The following TTC28 variants were observed in gnomAD, a reference collection of about 807,000 sequenced individuals.
TTC28 encodes tetratricopeptide repeat protein 28.
TTC28 carries 61 observed loss-of-function variants against 198.0 expected under a neutral mutation model. That is an observed-to-expected ratio of 0.31 (90% confidence interval 0.25 to 0.38). The LOEUF (loss-of-function observed/expected upper bound fraction) is 0.38, where lower values mean the gene tolerates loss of function less well. Among genes scored for constraint, TTC28 ranks in the 10% least tolerant of loss-of-function variants. TTC28 has a pLI of 1.00. For synonymous variants in TTC28, 1,171 were observed against 1,297.8 expected, an observed-to-expected ratio of 0.90 and a Z score of 2.10; for missense variants, 2,678 against 3,164.0, an observed-to-expected ratio of 0.85 and a Z score of 3.69.
chr22:28,558,579 G>A (rs1376584872), intron 2 of TTC28, among the ~76,000 whole-genome samples: 1 of 152,012 alleles, frequency 6.6e-6, no homozygotes, highest in Non-Finnish European at 1.5e-5. Flanking sequence ...GGATGCTGAG[G>A]CAGGAGAATC....
At chr22:28,510,715 T>C (rs970897639) in intron 2 of TTC28, among the ~76,000 whole-genome samples, 29 of 152,120 alleles carry the variant, frequency 1.9e-4, no homozygotes, top group Non-Finnish European at 1.5e-5. Context: ...GAAGTCAAAT[T>C]ATCTTCGTTT....
intron 12 of TTC28, among the ~76,000 whole-genome samples, chr22:28,053,249 T>A (rs997555383): frequency 6.6e-6 from 1 of 152,272 alleles, no homozygotes; most frequent in African/African-American, 2.4e-5. Flanking sequence ...GATGGCCTAT[T>A]GTCTCCCACT....
At chr22:28,672,374 G>A in intron 1 of TTC28, among the ~76,000 whole-genome samples, 1 of 151,704 alleles carries the variant, frequency 6.6e-6, no homozygotes, top group Non-Finnish European at 1.5e-5. Context: ...CATCATATTG[G>A]CCAGGCTGGT....
intron 6 of TTC28, among the ~76,000 whole-genome samples, chr22:28,131,525 T>A (rs1943060028): frequency 6.6e-6 from 1 of 152,180 alleles, no homozygotes; most frequent in Non-Finnish European, 1.5e-5. Flanking sequence ...GCCCAGCATC[T>A]CAAGAGCATA....
At chr22:28,639,774 C>G (rs989345375) in intron 1 of TTC28, among the ~76,000 whole-genome samples, 1 of 152,072 alleles carries the variant, frequency 6.6e-6, no homozygotes, top group Non-Finnish European at 1.5e-5. Flanking sequence ...TGTAAATTGC[C>G]CAGTTTCGGG....
intron 2 of TTC28, among the ~76,000 whole-genome samples, chr22:28,405,606 G>A (rs929977616): frequency 6.6e-6 from 1 of 152,196 alleles, no homozygotes; most frequent in Non-Finnish European, 1.5e-5. Context: ...ATTTTACTGT[G>A]TAGTAGAATT....
At chr22:28,364,041 G>A (rs1453543604) in intron 2 of TTC28, among the ~76,000 whole-genome samples, 1 of 152,150 alleles carries the variant, frequency 6.6e-6, no homozygotes, top group Non-Finnish European at 1.5e-5. Context: ...GCATGATTCT[G>A]TTTTGAAATG....
chr22:28,066,643 A>G (rs1204137339), intron 12 of TTC28, among the ~76,000 whole-genome samples: 2 of 152,200 alleles, frequency 1.3e-5, no homozygotes, highest in Non-Finnish European at 2.9e-5. Flanking sequence ...ACCTTGTGGA[A>G]TATTTAACCA....
chr22:28,617,094 C>A (rs1032519014), intron 2 of TTC28, among the ~76,000 whole-genome samples: 16 of 151,996 alleles, frequency 1.1e-4, no homozygotes, highest in Admixed American at 7.2e-4. Flanking sequence ...ATTATTCACA[C>A]TAAAGTAATA....
chr22:28,510,002 A>G lies in TTC28; in HGVS notation c.381+119550T>C, dbSNP rs144877178. ...AGGAAGAAATTGGATCCCTGAATAG[A>G]CAAATAACAAGTTCTGAAATTGAGG... On this transcript the variant is annotated intron_variant, in intron 2 of 22. Transcript: ENST00000397906. Among the ~76,000 whole-genome samples the G allele has an allele frequency of 2.8e-4, 43 of 152,326 alleles. No individual in the cohort carries two copies. In the East Asian group the frequency reaches 6.7e-3, roughly 24 times the overall value.
intron 5 of TTC28, among the ~76,000 whole-genome samples, chr22:28,206,909 G>A (rs895510835): frequency 2.6e-5 from 4 of 152,084 alleles, no homozygotes; most frequent in South Asian, 2.1e-4. Context: ...TACCTACTCC[G>A]GACGGAATCG....
At chr22:28,584,106 G>A (rs2050275168) in intron 2 of TTC28, among the ~76,000 whole-genome samples, 1 of 150,346 alleles carries the variant, frequency 6.7e-6, no homozygotes, top group Admixed American at 6.6e-5. Flanking sequence ...CAGCCTCTCA[G>A]GTAGCTGGAA....
intron 2 of TTC28, among the ~76,000 whole-genome samples, chr22:28,590,581 C>G (rs1457335421): frequency 6.6e-6 from 1 of 151,980 alleles, no homozygotes; most frequent in Non-Finnish European, 1.5e-5. Flanking sequence ...AGCAAGACAC[C>G]CATCTCTACA....
intron 2 of TTC28, among the ~76,000 whole-genome samples, chr22:28,471,603 A>G (rs1475053930): frequency 6.6e-6 from 1 of 152,194 alleles, no homozygotes; most frequent in East Asian, 1.9e-4. Flanking sequence ...GCAATCACTC[A>G]AACAGGATTA....
At chr22:28,183,717 T>C (rs932930250) in intron 5 of TTC28, among the ~76,000 whole-genome samples, 2 of 152,202 alleles carry the variant, frequency 1.3e-5, no homozygotes, top group Non-Finnish European at 2.9e-5. Flanking sequence ...ACTCCTGAAA[T>C]TATAATGATA....
At chr22:28,087,993 C>T (rs1411466212) in intron 12 of TTC28, among the ~76,000 whole-genome samples, 1 of 152,156 alleles carries the variant, frequency 6.6e-6, no homozygotes, top group Admixed American at 6.5e-5. Context: ...CTAGAAACCA[C>T]TGCTCAATGA....
intron 12 of TTC28, among the ~76,000 whole-genome samples, chr22:28,054,116 A>G (rs1940186081): frequency 6.6e-6 from 1 of 152,128 alleles, no homozygotes; most frequent in Non-Finnish European, 1.5e-5. Flanking sequence ...TCCTAGAGAG[A>G]AAGTAAGGAG....
rs529213090 is a variant in TTC28, at chr22:28,328,816, A to G, written c.382-22173T>C. ...ATAATAATAATAATATGTTCTGAAG[A>G]GGTATAAGCTGAGAACTAAGAATGA... On this transcript the variant is annotated intron_variant, in intron 2 of 22. Coordinates refer to ENST00000397906, the MANE Select transcript of TTC28 (RefSeq NM_001145418.2). Among the ~76,000 whole-genome samples the G allele has an allele frequency of 3.4e-4, 51 of 149,962 alleles. No individual in the cohort carries two copies. The South Asian group carries it at 0.011, about 31-fold the overall frequency.
At chr22:28,045,482 T>C (rs1939825343) in intron 12 of TTC28, among the ~76,000 whole-genome samples, 2 of 152,308 alleles carry the variant, frequency 1.3e-5, no homozygotes, top group South Asian at 2.1e-4. Flanking sequence ...TTCTTCTTCA[T>C]GGGTAAAATA....
Sources: gnomAD v4.1 joint callset for allele counts (sites outside exome capture counted in the v4.1 genomes callset) on GRCh38, gnomAD v4.1.1 for gene constraint, MANE v1.5 for transcripts, NCBI Gene and HGNC (gene_info 2026-07-23, HGNC 2026-07-21) for gene names.